Variants in CEPT1 observed in about 807,000 individuals in gnomAD.
CEPT1 encodes choline/ethanolaminephosphotransferase 1.
Under a neutral mutation model 42.6 loss-of-function variants are expected in CEPT1, and 7 were observed. The observed-to-expected ratio is 0.16, with a 90% confidence interval of 0.09 to 0.31. The LOEUF is 0.31. Among genes scored for constraint, CEPT1 ranks in the 10% least tolerant of loss-of-function variants. The probability of loss-of-function intolerance (pLI) is 1.00; values close to 1 mark genes in which losing one functional copy is unlikely to be tolerated. For synonymous variants in CEPT1, 171 were observed against 171.9 expected (o/e 0.99, Z 0.04); for missense variants, 306 against 502.1 (o/e 0.61, Z 3.73).
Position 111,172,453 on chromosome 1 carries a change from ATAAC to A in CEPT1, c.630-2424_630-2421del, listed in dbSNP as rs1256287557. Among the ~76,000 whole-genome samples, 3 of 152,280 alleles carry A rather than the reference ATAAC, an allele frequency of 2.0e-5. No individual in the cohort carries two copies. The Middle Eastern group carries it at 0.01, about 518-fold the overall frequency. ...CCTTATATAATATTCTGTCCTCTAAATAACTGTATTTCCTGTATGATCAAAAAGA... is the reference window on the plus strand; with the variant it reads ...CCTTATATAATATTCTGTCCTCTAAATGTATTTCCTGTATGATCAAAAAGA... On this transcript the variant is annotated intron_variant, in intron 4 of 8. Transcript: ENST00000357172.
chr1:111,141,225 C>G (rs1305667947), intron 1 of CEPT1, among the ~76,000 whole-genome samples: 1 of 152,170 alleles, frequency 6.6e-6, no homozygotes, highest in Non-Finnish European at 1.5e-5. Context: ...AGTTGAACGA[C>G]TTATAACACA....
intron 5 of CEPT1, among the ~76,000 whole-genome samples, chr1:111,177,353 T>G (rs1418760645): frequency 6.6e-6 from 1 of 152,178 alleles, no homozygotes; most frequent in African/African-American, 2.4e-5. Flanking sequence ...CGTTTTGACC[T>G]CGACCTGTCA....
chr1:111,156,479 G>A lies in CEPT1; in HGVS notation c.340-2901G>A, dbSNP rs192399407. Among the ~76,000 whole-genome samples the A allele has an allele frequency of 1.6e-3, 241 of 152,262 alleles. 3 individuals carry two copies. The highest frequency in any genetic ancestry group is 3.5e-3 in the Admixed American group (54 of 15,292). On this transcript the variant is annotated intron_variant, in intron 2 of 8. Transcript: ENST00000357172. ...CTTTGTTGGTTTTCTGTTTAAATCA[G>A]GGGTGTCTAATCTTTTGGCTTCCCT...
At chr1:111,154,237 T>G (rs1160292678) in intron 2 of CEPT1, among the ~76,000 whole-genome samples, 1 of 143,668 alleles carries the variant, frequency 7.0e-6, no homozygotes, top group Non-Finnish European at 1.5e-5. Flanking sequence ...TTATTTTATT[T>G]TATTTTATTT....
chr1:111,177,578 G>A (rs1438759413), intron 5 of CEPT1, among the ~76,000 whole-genome samples: 1 of 152,082 alleles, frequency 6.6e-6, no homozygotes, highest in African/African-American at 2.4e-5. Context: ...GTGATGCCTG[G>A]TAGTAAATTC....
intron 4 of CEPT1, chr1:111,167,214 A>C: frequency 1.0e-6 from 1 of 985,198 alleles, no homozygotes; most frequent in Non-Finnish European, 1.2e-6. Context: ...TATTCATGCT[A>C]TCTGATGTAC....
chr1:111,159,150 C>T (rs536535832), intron 2 of CEPT1, among the ~76,000 whole-genome samples: 3 of 149,756 alleles, frequency 2.0e-5, no homozygotes, highest in Admixed American at 1.3e-4. Flanking sequence ...CTCCTGACCT[C>T]GTGATCCGCC....
chr1:111,152,893 A>G (rs1655359273), intron 2 of CEPT1, among the ~76,000 whole-genome samples: 1 of 152,160 alleles, frequency 6.6e-6, no homozygotes, highest in Non-Finnish European at 1.5e-5. Context: ...ACAGTGTTAT[A>G]TTTTAAAACA....
At chr1:111,141,640 T>C (rs977040577) in intron 1 of CEPT1, among the ~76,000 whole-genome samples, 2 of 152,174 alleles carry the variant, frequency 1.3e-5, no homozygotes, top group Non-Finnish European at 2.9e-5. Flanking sequence ...TGATTTCCTC[T>C]TTTAAGGAGT....
intron 4 of CEPT1, among the ~76,000 whole-genome samples, chr1:111,170,368 GTC>G (rs1308689160): frequency 6.6e-6 from 1 of 152,082 alleles, no homozygotes; most frequent in Non-Finnish European, 1.5e-5. Context: ...GATCCATATA[GTC>G]ATTCATGTGG....
rs918856590 is a variant in CEPT1, at chr1:111,185,038, TA to T, written c.*729del. 3.3e-5 allele frequency: 5 copies of T among 152,534 alleles called. No individual in the cohort carries two copies. Among genetic ancestry groups the T allele is most frequent in the Non-Finnish European group, 5.9e-5 (4 of 68,012 alleles). 9.4% of individuals were successfully genotyped at this position (152,534 alleles called of 1,614,324 possible). On this transcript the variant is annotated 3_prime_UTR_variant, in exon 9 of 9. Coordinates refer to ENST00000357172, the MANE Select transcript of CEPT1 (RefSeq NM_006090.5). The stretch of plus-strand genomic sequence containing the variant: ...GGAAAGATAAACTAAGTTTTAATGT[TA>T]TTTTTTTAAATTTAAGCAAAATTTA...
intron 2 of CEPT1, among the ~76,000 whole-genome samples, chr1:111,152,033 C>T (rs1655304038): frequency 2.0e-5 from 3 of 152,164 alleles, no homozygotes; most frequent in East Asian, 1.9e-4. Flanking sequence ...GTCCTCATCA[C>T]GTAAGACAGA....
chr1:111,151,142 T>C (rs1166816175), intron 2 of CEPT1, among the ~76,000 whole-genome samples: 1 of 151,388 alleles, frequency 6.6e-6, no homozygotes, highest in African/African-American at 2.4e-5. Context: ...TTTTTTTTTT[T>C]TGAGACGGAG....
At chr1:111,182,470 T>G in intron 6 of CEPT1, 152 bp downstream of exon 6, 1 of 799,760 alleles carries the variant, frequency 1.3e-6, no homozygotes, top group Non-Finnish European at 2.0e-6. Flanking sequence ...TTCAATTTTA[T>G]ATATACTTAC....
chr1:111,141,455 A>T (rs1205338618), intron 1 of CEPT1, among the ~76,000 whole-genome samples: 1 of 152,104 alleles, frequency 6.6e-6, no homozygotes, highest in Non-Finnish European at 1.5e-5. Flanking sequence ...TTATTGCACA[A>T]TTTCTTTGTT....
intron 4 of CEPT1, among the ~76,000 whole-genome samples, chr1:111,164,665 C>T (rs1270326643): frequency 7.0e-6 from 1 of 143,124 alleles, no homozygotes; most frequent in Non-Finnish European, 1.5e-5. Context: ...GCTCTGTTTC[C>T]CAGGCTGGAG....
chr1:111,183,998 C>T (rs1657124967), intron 8 of CEPT1, among the ~76,000 whole-genome samples, 193 bp from the exon 9 acceptor site: 1 of 152,078 alleles, frequency 6.6e-6, no homozygotes, highest in Non-Finnish European at 1.5e-5. Flanking sequence ...CAATAAGGCC[C>T]ATAAAGCTTA....
chr1:111,174,621 T>G (rs984684589), intron 4 of CEPT1, among the ~76,000 whole-genome samples: 1 of 151,966 alleles, frequency 6.6e-6, no homozygotes, highest in Non-Finnish European at 1.5e-5. Context: ...TCAGCCCAAC[T>G]TCAATGAGTC....
intron 2 of CEPT1, among the ~76,000 whole-genome samples, chr1:111,153,829 C>T (rs1655412660): frequency 6.6e-6 from 1 of 152,002 alleles, no homozygotes. Flanking sequence ...CTTTTTATAC[C>T]AATATCATGC....
Sources: gnomAD v4.1 joint callset for allele counts (sites outside exome capture counted in the v4.1 genomes callset) on GRCh38, gnomAD v4.1.1 for gene constraint, MANE v1.5 for transcripts, NCBI Gene and HGNC (gene_info 2026-07-23, HGNC 2026-07-21) for gene names.